MAP2K1: variants seen among roughly 807,000 people sequenced by gnomAD.
MAP2K1 encodes the protein mitogen-activated protein kinase kinase 1, also known as dual specificity mitogen-activated protein kinase kinase 1.
MAP2K1 carries 16 observed loss-of-function variants against 46.3 expected under a neutral mutation model. That is an observed-to-expected ratio of 0.35 (90% CI 0.23 to 0.52). MAP2K1 has a LOEUF of 0.52. MAP2K1 is among the 20% of genes least tolerant of loss of function. The probability of loss-of-function intolerance (pLI) is 0.94; values close to 1 mark genes in which losing one functional copy is unlikely to be tolerated. For synonymous variants in MAP2K1, 183 were observed against 185.6 expected, an observed-to-expected ratio of 0.99 and a Z score of 0.11; for missense variants, 263 against 497.1, an observed-to-expected ratio of 0.53 and a Z score of 4.48.
At chr15:66,419,233 T>C (rs890439073) in intron 1 of MAP2K1, among the ~76,000 whole-genome samples, 3 of 151,916 alleles carry the variant, frequency 2.0e-5, no homozygotes, top group South Asian at 4.1e-4. Context: ...CTTTAAAAAT[T>C]ATCTGGCTGG....
At chr15:66,413,088 G>T (rs1211293062) in intron 1 of MAP2K1, among the ~76,000 whole-genome samples, 5 of 152,024 alleles carry the variant, frequency 3.3e-5, no homozygotes, top group African/African-American at 1.2e-4. Context: ...TAGAGACAGG[G>T]TTTCACCATG....
intron 1 of MAP2K1, among the ~76,000 whole-genome samples, chr15:66,420,421 A>G (rs1054849780): frequency 6.6e-6 from 1 of 150,734 alleles, no homozygotes; most frequent in Non-Finnish European, 1.5e-5. Flanking sequence ...ACAAAAATTA[A>G]CCAGGCATGG....
At chr15:66,486,209 C>G (rs947546372) in intron 7 of MAP2K1, among the ~76,000 whole-genome samples, 7 of 152,186 alleles carry the variant, frequency 4.6e-5, no homozygotes, top group African/African-American at 1.2e-4. Flanking sequence ...ATTTTTTAAT[C>G]ATGACTTTTG....
chr15:66,472,087 A>AT (rs1488256254), intron 5 of MAP2K1, among the ~76,000 whole-genome samples: 1 of 150,546 alleles, frequency 6.6e-6, no homozygotes, highest in Non-Finnish European at 1.5e-5. Flanking sequence ...AAAAAAAAAA[A>AT]AAAAAAGATG....
At chr15:66,444,949 A>G in intron 5 of MAP2K1, 1 of 522,758 alleles carries the variant, frequency 1.9e-6, no homozygotes, top group East Asian at 3.4e-5. Flanking sequence ...CTGGAAGCCC[A>G]GCTAAGAGCC....
intron 1 of MAP2K1, among the ~76,000 whole-genome samples, chr15:66,426,670 A>T (rs2093459867): frequency 6.6e-6 from 1 of 152,224 alleles, no homozygotes; most frequent in South Asian, 2.1e-4. Context: ...GAAGAAAAAC[A>T]TGCTTGTGGC....
chr15:66,400,014 A>G (rs1463810367), intron 1 of MAP2K1, among the ~76,000 whole-genome samples: 1 of 152,128 alleles, frequency 6.6e-6, no homozygotes, highest in African/African-American at 2.4e-5. Context: ...TATAATTTTT[A>G]TTCACTAAAT....
intron 1 of MAP2K1, among the ~76,000 whole-genome samples, chr15:66,400,667 T>G (rs564867062): frequency 6.6e-6 from 1 of 152,304 alleles, no homozygotes; most frequent in South Asian, 2.1e-4. Flanking sequence ...AGTTACATGT[T>G]TGCTAAGTTT....
rs192064260 is a variant in MAP2K1 at position 66,472,581 on chromosome 15, G to T, written c.569-9174G>T. ...GCCTGGGTCAGGGGGCTGCCCTGTA[G>T]CCAGGGACAAGGTTCTCATTGTGTC... On this transcript the variant is annotated intron_variant, in intron 5 of 10. Transcript: ENST00000307102. Among the ~76,000 whole-genome samples, 351 of 152,308 alleles carry T rather than the reference G, an allele frequency of 2.3e-3. 1 individual carries two copies. Among genetic ancestry groups the T allele is most frequent in the African/African-American group, 7.6e-3 (316 of 41,578 alleles).
At chr15:66,471,672 A>G (rs1037923440) in intron 5 of MAP2K1, among the ~76,000 whole-genome samples, 7 of 151,154 alleles carry the variant, frequency 4.6e-5, no homozygotes, top group African/African-American at 1.7e-4. Context: ...TTTTTTTTGT[A>G]TCAGCTAACC....
intron 5 of MAP2K1, among the ~76,000 whole-genome samples, chr15:66,447,560 G>A (rs942076847): frequency 7.3e-5 from 11 of 151,640 alleles, no homozygotes; most frequent in Non-Finnish European, 1.2e-4. Flanking sequence ...GTGTGGTGGC[G>A]TGTGCCTGTA....
At chr15:66,399,165 G>GA (rs2093375571) in intron 1 of MAP2K1, among the ~76,000 whole-genome samples, 1 of 152,078 alleles carries the variant, frequency 6.6e-6, no homozygotes, top group Admixed American at 6.5e-5. Flanking sequence ...CTGAGGTTCA[G>GA]GAAAAAAACT....
At position 66,467,533 on chromosome 15, in the gene MAP2K1, A is replaced by G. The variant is rs545532541; in HGVS notation, c.569-14222A>G. On this transcript the variant is annotated intron_variant, in intron 5 of 10. Transcript: ENST00000307102. Reference sequence around the variant, plus strand: ...AGACTTAGCTATTTTCACTAAACCAATGTCAGTCTCTTTCAATATTTACAG... The same window carrying G: ...AGACTTAGCTATTTTCACTAAACCAGTGTCAGTCTCTTTCAATATTTACAG... Among the ~76,000 whole-genome samples the G allele has an allele frequency of 6.6e-5, 10 of 152,264 alleles. No individual in the cohort carries two copies. In the South Asian group the frequency reaches 1.0e-3, roughly 16 times the overall value.
rs2140674322 is a variant in MAP2K1 at position 66,485,056 on chromosome 15, G to T, written c.760G>T (p.Val254Leu). ...SDIWSMGLSL[V>L]EMAVGRYPIP... is the part of the protein sequence containing the mutation. The stretch of plus-strand genomic sequence containing the variant: ...CATCTGGAGCATGGGACTGTCTCTG[G>T]TAGAGATGGCGGTTGGGAGGTATCC... The change falls in exon 7 of 11, where the codon GTA becomes TTA. Residue 254 changes from valine to leucine, a missense_variant. Physicochemically the swap from Val to Leu is conservative, Grantham distance 32. Coordinates refer to ENST00000307102, the MANE Select transcript of MAP2K1 (RefSeq NM_002755.4). The T allele has an allele frequency of 6.2e-7, 1 of 1,613,922 alleles. No individual in the cohort carries two copies.
intron 3 of MAP2K1, among the ~76,000 whole-genome samples, chr15:66,442,488 G>A (rs936592847): frequency 4.6e-5 from 7 of 152,086 alleles, no homozygotes; most frequent in Non-Finnish European, 1.0e-4. Context: ...TCTTTTAAGT[G>A]AAGTCAGAAT....
intron 8 of MAP2K1, chr15:66,488,851 G>C (rs924635387): frequency 1.2e-5 from 4 of 341,582 alleles, no homozygotes; most frequent in Admixed American, 4.1e-5. Context: ...CCATTGTAGA[G>C]TGTCAGAGCT....
Position 66,444,639 on chromosome 15 carries a change from C to T in MAP2K1, c.517-17C>T, listed in dbSNP as rs777484106. On this transcript the variant is annotated splice_polypyrimidine_tract_variant and intron_variant, in intron 4 of 10. Coordinates refer to ENST00000307102, the MANE Select transcript of MAP2K1 (RefSeq NM_002755.4). ...ATCACCAGTATTTTCTTTTCTTTTA[C>T]ATTCCCTTTCCTCTAGGTAATAAAA... is the stretch of plus-strand genomic sequence containing the variant. 8 of 1,576,320 alleles carry T rather than the reference C, an allele frequency of 5.1e-6. No individual in the cohort carries two copies. In the South Asian group the frequency reaches 6.6e-5, roughly 13 times the overall value.
At chr15:66,404,221 C>T (rs2093390162) in intron 1 of MAP2K1, among the ~76,000 whole-genome samples, 2 of 152,288 alleles carry the variant, frequency 1.3e-5, no homozygotes, top group Middle Eastern at 3.4e-3. Flanking sequence ...GGCATGGTGG[C>T]GTGTGTCTGT....
intron 3 of MAP2K1, among the ~76,000 whole-genome samples, chr15:66,442,547 G>C (rs116092533): frequency 6.6e-6 from 1 of 152,078 alleles, no homozygotes; most frequent in Non-Finnish European, 1.5e-5. Flanking sequence ...AGGCAGTTAT[G>C]GTTTCATTGT....
Sources: gnomAD v4.1 joint callset for allele counts (sites outside exome capture counted in the v4.1 genomes callset) on GRCh38, gnomAD v4.1.1 for gene constraint, MANE v1.5 for transcripts, NCBI Gene and HGNC (gene_info 2026-07-23, HGNC 2026-07-21) for gene names.